MYO1D: variants seen among roughly 807,000 people sequenced by gnomAD.
The protein encoded by MYO1D is myosin ID, also known as unconventional myosin-Id.
Under a neutral mutation model 122.0 loss-of-function variants are expected in MYO1D, and 83 were observed. The ratio of observed to expected loss-of-function variants is 0.68; its 90% CI spans 0.57 to 0.82. The LOEUF (loss-of-function observed/expected upper bound fraction) is 0.82, where lower values mean the gene tolerates loss of function less well. MYO1D is among the 40% of genes least tolerant of loss of function. The probability of loss-of-function intolerance (pLI) is 0.00; values close to 1 mark genes in which losing one functional copy is unlikely to be tolerated. For synonymous variants in MYO1D, 464 were observed against 446.9 expected (o/e 1.04, Z -0.48); for missense variants, 1,157 against 1,269.5 (o/e 0.91, Z 1.35).
At chr17:32,811,075 G>C (rs2151050394) in intron 1 of MYO1D, among the ~76,000 whole-genome samples, 1 of 152,274 alleles carries the variant, frequency 6.6e-6, no homozygotes, top group South Asian at 2.1e-4. Context: ...AGGCACCAAA[G>C]GATGAGGAAG....
chr17:32,594,459 G>T, intron 21 of MYO1D: 1 of 473,898 alleles, frequency 2.1e-6, no homozygotes, highest in South Asian at 4.0e-5. Flanking sequence ...ACTTTTGTTT[G>T]TTTCTCAGCC....
rs564950609 is a variant in MYO1D, at chr17:32,760,362, C to T, written c.1224G>A (p.Gln408=). ...TCAGAACCAGCTGAATAAATAGCTGCTGCAGTTTCTCATTGCAGTAATTGA... is the reference window on the plus strand; with the variant it reads ...TCAGAACCAGCTGAATAAATAGCTGTTGCAGTTTCTCATTGCAGTAATTGA... ...FCINYCNEKL[Q]QLFIQLVLKQ... Residue 408 remains glutamine (Q), a synonymous_variant, in exon 10 of 22, where the codon CAG becomes CAA. Transcript: ENST00000318217. The T allele has an allele frequency of 1.2e-6, 2 of 1,612,256 alleles. No individual in the cohort carries two copies. The highest frequency in any genetic ancestry group is 2.2e-5 in the South Asian group (2 of 90,814).
intron 21 of MYO1D, among the ~76,000 whole-genome samples, chr17:32,567,089 G>T (rs1455700841): frequency 6.6e-6 from 1 of 151,968 alleles, no homozygotes; most frequent in Non-Finnish European, 1.5e-5. Flanking sequence ...AGAAAACAGG[G>T]GTTTCTGGCT....
intron 21 of MYO1D, among the ~76,000 whole-genome samples, chr17:32,578,343 C>T (rs1389883412): frequency 6.6e-6 from 1 of 152,106 alleles, no homozygotes; most frequent in Non-Finnish European, 1.5e-5. Context: ...GAAACTATAC[C>T]CCATCTTCTC....
intron 11 of MYO1D, among the ~76,000 whole-genome samples, chr17:32,750,697 A>T (rs374298970): frequency 1.3e-5 from 2 of 152,344 alleles, no homozygotes; most frequent in East Asian, 3.9e-4. Flanking sequence ...ATAACAAATA[A>T]TCTCAACCTG....
chr17:32,582,120 G>A (rs536357534), intron 21 of MYO1D, among the ~76,000 whole-genome samples: 13 of 152,018 alleles, frequency 8.6e-5, no homozygotes, highest in East Asian at 7.8e-4. Flanking sequence ...TTACCACGTT[G>A]CCCAGGCTGG....
chr17:32,631,739 T>C (rs1413638109), intron 20 of MYO1D, among the ~76,000 whole-genome samples: 3 of 152,120 alleles, frequency 2.0e-5, no homozygotes. Flanking sequence ...ATTTTAGATA[T>C]GAAAATGGTA....
At chr17:32,694,255 T>C (rs1437382212) in intron 16 of MYO1D, among the ~76,000 whole-genome samples, 1 of 151,492 alleles carries the variant, frequency 6.6e-6, no homozygotes, top group Non-Finnish European at 1.5e-5. Context: ...CCGGAGGAGT[T>C]TGGCAATTGG....
At chr17:32,864,007 C>CTTTTCTTTTTTTTTTTTTTTTT (rs2091100932) in intron 1 of MYO1D, among the ~76,000 whole-genome samples, 3 of 48,964 alleles carry the variant, frequency 6.1e-5, no homozygotes, top group African/African-American at 3.1e-4. Context: ...ACATTTCTTC[C>CTTTTCTTTTTTTTTTTTTTTTT]TTTTTTTTTT....
intron 12 of MYO1D, 72 bp downstream of exon 12, chr17:32,748,864 A>G: frequency 7.3e-7 from 1 of 1,369,860 alleles, no homozygotes; most frequent in Admixed American, 1.8e-5. Context: ...ACCAATTTAC[A>G]TTTTTCCTGG....
At chr17:32,627,719 C>T (rs539857141) in intron 20 of MYO1D, 1 of 152,132 alleles carries the variant, frequency 6.6e-6, no homozygotes, top group Non-Finnish European at 1.5e-5. Flanking sequence ...AAACAACATT[C>T]ATGGGCAGAT....
rs557130808 is a variant in MYO1D, at chr17:32,765,560, G to A, written c.832-479C>T. On this transcript the variant is annotated intron_variant, in intron 7 of 21. Transcript: ENST00000318217. ...TGCAAGCTCTGCCTCCTGGGTTCAC[G>A]CCATTCTCCTGCCTCAGCCTCCTGA... is the stretch of plus-strand genomic sequence containing the variant. Among the ~76,000 whole-genome samples the A allele has an allele frequency of 1.8e-3, 275 of 152,158 alleles. 1 individual carries two copies. The highest frequency in any genetic ancestry group is 6.4e-3 in the African/African-American group (266 of 41,510).
At position 32,494,726 on chromosome 17, in the gene MYO1D, T is replaced by G. The variant is rs1256507121; in HGVS notation, c.*33A>C. ...GGACTGGGACCCAGGACTCGGAGTG[T>G]GGCCGGGCTCCGGGCCAGGCCTCCG... On this transcript the variant is annotated 3_prime_UTR_variant, in exon 22 of 22. Transcript: ENST00000318217. 3 of 1,554,326 alleles carry G rather than the reference T, an allele frequency of 1.9e-6. No homozygotes were observed. The highest frequency in any genetic ancestry group is 1.9e-5 in the Admixed American group (1 of 53,270).
At position 32,591,623 on chromosome 17, in the gene MYO1D, T is replaced by C. The variant is rs191516074; in HGVS notation, c.2864+13464A>G. Among the ~76,000 whole-genome samples, 12 of 152,166 alleles carry C rather than the reference T, an allele frequency of 7.9e-5. No homozygotes were observed. In the East Asian group the frequency reaches 2.3e-3, roughly 29 times the overall value. On this transcript the variant is annotated intron_variant, in intron 21 of 21. Coordinates refer to ENST00000318217, the MANE Select transcript of MYO1D (RefSeq NM_015194.3). The stretch of plus-strand genomic sequence containing the variant: ...GCAGTAGGGGATGTTTCTTTTGCAC[T>C]TGTCAGCAATTTCAAAAACACAAAT...
At chr17:32,813,522 C>A (rs534073069) in intron 1 of MYO1D, among the ~76,000 whole-genome samples, 1 of 151,882 alleles carries the variant, frequency 6.6e-6, no homozygotes, top group Non-Finnish European at 1.5e-5. Context: ...GAGTAGTGTG[C>A]CACATGGAGA....
In MYO1D at chr17:32,677,341, T is replaced by A. The variant is rs182074690; in HGVS notation, c.2122-18003A>T. Among the ~76,000 whole-genome samples the A allele has an allele frequency of 3.4e-4, 51 of 152,174 alleles. No homozygotes were observed. The East Asian group carries it at 8.9e-3, about 27-fold the overall frequency. On this transcript the variant is annotated intron_variant, in intron 16 of 21. Coordinates refer to ENST00000318217, the MANE Select transcript of MYO1D (RefSeq NM_015194.3). ...AGATTCTGCCTATTCCAGTAGATTATCCATAATTAAAAATGTGTGAAATGC... is the reference window on the plus strand; with the variant it reads ...AGATTCTGCCTATTCCAGTAGATTAACCATAATTAAAAATGTGTGAAATGC...
Position 32,877,087 on chromosome 17 carries a change from C to G in MYO1D, c.-215G>C, listed in dbSNP as rs2151097921. 1 of 212,198 alleles carries G rather than the reference C, an allele frequency of 4.7e-6. No individual in the cohort carries two copies. Among genetic ancestry groups the G allele is most frequent in the African/African-American group, 2.3e-5 (1 of 42,918 alleles). The allele number at this position is 212,198 out of a possible 1,614,324, so 13.1% of individuals were successfully genotyped here. A position where few individuals can be genotyped will look rare whatever the true frequency, so the allele number is the denominator to read the frequency against. On this transcript the variant is annotated 5_prime_UTR_variant, in exon 1 of 22. Transcript: ENST00000318217. The stretch of plus-strand genomic sequence containing the variant: ...GCGGCTCCGAACGGGACGCACCCGA[C>G]AGTTTCCGCTCCTCCCGCCGCGGCT...
At chr17:32,876,292 G>GAAGA (rs1358946831) in intron 1 of MYO1D, among the ~76,000 whole-genome samples, 1 of 152,040 alleles carries the variant, frequency 6.6e-6, no homozygotes, top group African/African-American at 2.4e-5. Context: ...AAAGAAGGGC[G>GAAGA]AAGAAAGAAA....
chr17:32,502,568 T>G (rs758637686), intron 21 of MYO1D, among the ~76,000 whole-genome samples: 3 of 152,256 alleles, frequency 2.0e-5, no homozygotes, highest in Non-Finnish European at 4.4e-5. Context: ...ACAATAATTT[T>G]TTTTTAAAAT....
Sources: gnomAD v4.1 joint callset for allele counts (sites outside exome capture counted in the v4.1 genomes callset) on GRCh38, gnomAD v4.1.1 for gene constraint, MANE v1.5 for transcripts, NCBI Gene and HGNC (gene_info 2026-07-23, HGNC 2026-07-21) for gene names.